Variants in MAP2 observed in about 807,000 individuals in gnomAD.
MAP2 encodes the protein microtubule associated protein 2, also known as microtubule-associated protein 2.
Under a neutral mutation model 137.6 loss-of-function variants are expected in MAP2, and 14 were observed. That is an observed-to-expected ratio of 0.10 (90% confidence interval 0.07 to 0.16). The LOEUF is 0.16. MAP2 is among the 10% of genes least tolerant of loss of function. The probability of loss-of-function intolerance (pLI) is 1.00; values close to 1 mark genes in which losing one functional copy is unlikely to be tolerated. For missense variants in MAP2, 2,088 were observed against 2,191.5 expected (o/e 0.95, Z 0.94); for synonymous variants, 786 against 782.3 (o/e 1.00, Z -0.08).
intron 1 of MAP2, among the ~76,000 whole-genome samples, chr2:209,487,954 GACA>G (rs2058594799): frequency 6.6e-6 from 1 of 152,218 alleles, no homozygotes; most frequent in Admixed American, 6.5e-5. Context: ...TTGAGGTAAT[GACA>G]ACAAGTTTCT....
intron 1 of MAP2, among the ~76,000 whole-genome samples, chr2:209,466,178 G>A (rs1426122380): frequency 6.6e-6 from 1 of 152,130 alleles, no homozygotes; most frequent in Non-Finnish European, 1.5e-5. Context: ...TAAAATTTGA[G>A]AGTAAAATTT....
chr2:209,590,185 C>T (rs2078866605), intron 3 of MAP2, among the ~76,000 whole-genome samples: 1 of 152,130 alleles, frequency 6.6e-6, no homozygotes, highest in African/African-American at 2.4e-5. Context: ...TCTCCCTTCC[C>T]CAAACACATC....
chr2:209,635,602 GA>G (rs2093483504), intron 4 of MAP2, among the ~76,000 whole-genome samples: 1 of 152,126 alleles, frequency 6.6e-6, no homozygotes, highest in South Asian at 2.1e-4. Flanking sequence ...TGGTTTATAT[GA>G]AAGGAATATA....
chr2:209,429,200 G>A (rs543959787), intron 1 of MAP2, among the ~76,000 whole-genome samples: 92 of 152,112 alleles, frequency 6.0e-4, no homozygotes, highest in African/African-American at 2.1e-3. Flanking sequence ...TGATCCGCCC[G>A]CCTCAGCCTC....
intron 4 of MAP2, among the ~76,000 whole-genome samples, chr2:209,635,399 G>T (rs1003691117): frequency 1.3e-5 from 2 of 152,060 alleles, no homozygotes; most frequent in Non-Finnish European, 1.5e-5. Context: ...AAGGAAAAAT[G>T]AAGAGTAAAA....
intron 4 of MAP2, among the ~76,000 whole-genome samples, chr2:209,634,609 C>T (rs1038319777): frequency 9.9e-5 from 15 of 152,084 alleles, no homozygotes; most frequent in African/African-American, 3.6e-4. Context: ...CACCTAATCG[C>T]AAGGGAAGTT....
intron 5 of MAP2, among the ~76,000 whole-genome samples, chr2:209,660,032 A>G (rs1396590112): frequency 1.3e-5 from 2 of 151,826 alleles, no homozygotes; most frequent in Non-Finnish European, 2.9e-5. Flanking sequence ...AGCGAGACTC[A>G]GTCTCAAAAA....
chr2:209,568,629 G>A (rs2073890375), intron 2 of MAP2, among the ~76,000 whole-genome samples: 1 of 151,878 alleles, frequency 6.6e-6, no homozygotes, highest in African/African-American at 2.4e-5. Flanking sequence ...GCTCCTTTTA[G>A]TAGTTTTCAA....
intron 1 of MAP2, among the ~76,000 whole-genome samples, chr2:209,470,658 C>T (rs1705440397): frequency 6.6e-6 from 1 of 152,054 alleles, no homozygotes; most frequent in Non-Finnish European, 1.5e-5. Flanking sequence ...CTGCCCCTGG[C>T]TGTTCTGTCT....
rs549335847 is a variant in MAP2, at chr2:209,626,376, T to C, written c.-30+1247T>C. ...GTTGCAGTGGCTGAGATCACAACAT[T>C]GCACTCCAGCCCAGGTGACAGTGCA... On this transcript the variant is annotated intron_variant, in intron 4 of 15. Coordinates refer to ENST00000682079, the MANE Select transcript of MAP2 (RefSeq NM_001375505.1). Among the ~76,000 whole-genome samples, 409 of 152,212 alleles carry C rather than the reference T, an allele frequency of 2.7e-3. 1 individual carries two copies. Among genetic ancestry groups the C allele is most frequent in the African/African-American group, 8.9e-3 (370 of 41,536 alleles).
At position 209,658,506 on chromosome 2, in the gene MAP2, T is replaced by C. The variant is rs955305599; in HGVS notation, c.262+5074T>C. On this transcript the variant is annotated intron_variant, in intron 5 of 15. Coordinates refer to ENST00000682079, the MANE Select transcript of MAP2 (RefSeq NM_001375505.1). ...AAAGAGAGGAAAAAAAAATTATTAT[T>C]ATTACTATTTTTTTTTTGAGATGAA... 2.6e-5 allele frequency among the ~76,000 whole-genome samples: 4 copies of C among 152,034 alleles called. No homozygotes were observed. The East Asian group carries it at 7.7e-4, about 29-fold the overall frequency.
intron 7 of MAP2, among the ~76,000 whole-genome samples, chr2:209,686,453 G>A (rs970710806): frequency 3.9e-5 from 6 of 152,114 alleles, no homozygotes; most frequent in Non-Finnish European, 8.8e-5. Flanking sequence ...CTATAATTTT[G>A]TCTTCTTAAA....
intron 3 of MAP2, among the ~76,000 whole-genome samples, chr2:209,593,288 G>T (rs1007731593): frequency 1.3e-4 from 20 of 151,412 alleles, no homozygotes; most frequent in Non-Finnish European, 2.9e-4. Flanking sequence ...GTTATTGTTT[G>T]TGCTGCTTAT....
rs758109904 is a variant in MAP2 at position 209,692,751 on chromosome 2, A to G, written c.581A>G (p.His194Arg). ...KQSKPGEDLK[H>R]AALVSQPETT... The stretch of plus-strand genomic sequence containing the variant: ...AGTAAGCCTGGTGAAGACCTTAAAC[A>G]TGCTGCCTTAGTTTCTCAGCCAGAG... Residue 194 changes from histidine (H) to arginine (R), a missense_variant, in exon 8 of 16, where the codon CAT becomes CGT. By Grantham distance (29) the His-to-Arg change is conservative. Around this residue, in one of 6 missense-constraint regions of MAP2, gnomAD observed 859 missense variants for 794.5 expected, o/e 1.08. Transcript: ENST00000682079. 2.0e-5 allele frequency: 32 copies of G among 1,614,006 alleles called. No individual in the cohort carries two copies. The highest frequency in any genetic ancestry group is 6.7e-5 in the African/African-American group (5 of 74,922).
chr2:209,519,866 A>G lies in MAP2; in HGVS notation c.-172+12225A>G, dbSNP rs78958122. On this transcript the variant is annotated intron_variant, in intron 2 of 15. Transcript: ENST00000682079. Reference sequence around the variant, plus strand: ...AGTAAGATGATCACTACTCCTTCACACTCATAGTAACTTGATTGTTGGGTA... The same window carrying G: ...AGTAAGATGATCACTACTCCTTCACGCTCATAGTAACTTGATTGTTGGGTA... Among the ~76,000 whole-genome samples, 74 of 152,126 alleles carry G rather than the reference A, an allele frequency of 4.9e-4. No individual in the cohort carries two copies. The East Asian group carries it at 0.014, about 28-fold the overall frequency.
At chr2:209,481,362 G>A (rs1399026103) in intron 1 of MAP2, among the ~76,000 whole-genome samples, 1 of 152,202 alleles carries the variant, frequency 6.6e-6, no homozygotes, top group Non-Finnish European at 1.5e-5. Flanking sequence ...GGTAAAGGAA[G>A]GCAATCTCTG....
At position 209,709,999 on chromosome 2, in the gene MAP2, A is replaced by G. The variant is rs2064908877; in HGVS notation, c.4818A>G (p.Pro1606=). 1.2e-6 allele frequency: 2 copies of G among 1,613,896 alleles called. No homozygotes were observed. Among genetic ancestry groups the G allele is most frequent in the Non-Finnish European group, 1.7e-6 (2 of 1,179,950 alleles). Residue 1606 remains proline (P), a synonymous_variant, in exon 13 of 16, where the codon CCA becomes CCG. Transcript: ENST00000682079. The stretch of plus-strand genomic sequence containing the variant: ...CTACTGCCATCACTCCTGGCACCCC[A>G]CCAAGTTATTCTTCACGCACACCAG... The part of the protein sequence containing the change: ...PGSTAITPGT[P]PSYSSRTPGT...
chr2:209,455,197 T>C (rs1701256841), intron 1 of MAP2, among the ~76,000 whole-genome samples: 1 of 152,166 alleles, frequency 6.6e-6, no homozygotes, highest in Admixed American at 6.5e-5. Context: ...ATTTAGTCCT[T>C]AATGTTTTCC....
intron 10 of MAP2, among the ~76,000 whole-genome samples, chr2:209,697,717 C>A (rs183909849): frequency 4.0e-4 from 61 of 152,260 alleles, no homozygotes; most frequent in Non-Finnish European, 8.4e-4. Context: ...ATGGAGATTT[C>A]TTAAATATGT....
Sources: gnomAD v4.1 joint callset for allele counts (sites outside exome capture counted in the v4.1 genomes callset) on GRCh38, gnomAD v4.1.1 for gene constraint, gnomAD v4.1.1 regional missense constraint, MANE v1.5 for transcripts, NCBI Gene and HGNC (gene_info 2026-07-23, HGNC 2026-07-21) for gene names.